Variants in TPO observed in about 807,000 individuals in gnomAD.
TPO encodes thyroid microsomal antigen.
In TPO, 78 loss-of-function variants were observed where a neutral mutation model predicts 96.9. The observed-to-expected ratio is 0.81, with a 90% CI of 0.67 to 0.97. The LOEUF is 0.97. Ranked by LOEUF, TPO falls within the 50% of genes least tolerant of loss-of-function variation. The pLI, the probability that TPO is intolerant of heterozygous loss-of-function variation, is 0.00. For synonymous variants in TPO, 547 were observed against 538.0 expected (o/e 1.02, Z -0.23); for missense variants, 1,252 against 1,274.8 (o/e 0.98, Z 0.27).
intron 5 of TPO, among the ~76,000 whole-genome samples, chr2:1,447,383 C>G (rs185538932): frequency 2.6e-5 from 4 of 152,312 alleles, no homozygotes; most frequent in African/African-American, 9.6e-5. Context: ...GGCCTAGAAG[C>G]CCCCGCTTCC....
intron 7 of TPO, among the ~76,000 whole-genome samples, chr2:1,458,514 T>C (rs139122407): frequency 6.6e-6 from 1 of 152,104 alleles, no homozygotes; most frequent in Non-Finnish European, 1.5e-5. Context: ...TGTGGGCACA[T>C]GTGTATATGG....
At chr2:1,507,888 C>A (rs1238731285) in intron 14 of TPO, among the ~76,000 whole-genome samples, 1 of 152,150 alleles carries the variant, frequency 6.6e-6, no homozygotes, top group African/African-American at 2.4e-5. Context: ...CTTTCTCCTG[C>A]CTGATTGCCC....
chr2:1,488,942 A>ACACTG (rs1437769267), intron 10 of TPO, among the ~76,000 whole-genome samples: 4 of 152,268 alleles, frequency 2.6e-5, no homozygotes, highest in South Asian at 2.1e-4. Context: ...AGGATAACGC[A>ACACTG]CACTGTCCCC....
chr2:1,467,928 A>G (rs562839091), intron 7 of TPO, among the ~76,000 whole-genome samples: 2 of 144,404 alleles, frequency 1.4e-5, no homozygotes, highest in Non-Finnish European at 3.1e-5. Context: ...AAGGCCTTTT[A>G]TCATTATATA....
intron 5 of TPO, 110 bp downstream of exon 5, chr2:1,436,494 G>T: frequency 1.3e-6 from 2 of 1,540,042 alleles, no homozygotes; most frequent in Non-Finnish European, 1.8e-6. Context: ...ATCCACCCCT[G>T]AGCCCCTGGT....
intron 7 of TPO, among the ~76,000 whole-genome samples, chr2:1,462,921 T>G (rs1326195237): frequency 6.6e-6 from 1 of 152,216 alleles, no homozygotes; most frequent in Non-Finnish European, 1.5e-5. Context: ...TACAGTGATA[T>G]TATGGAAATG....
At chr2:1,387,192 G>A (rs1264609306) in intron 1 of TPO, among the ~76,000 whole-genome samples, 2 of 152,032 alleles carry the variant, frequency 1.3e-5, no homozygotes, top group Non-Finnish European at 2.9e-5. Flanking sequence ...TATGTGTCTT[G>A]GAGTTGCTCT....
chr2:1,402,302 C>T (rs1464468905), intron 1 of TPO, among the ~76,000 whole-genome samples: 1 of 152,088 alleles, frequency 6.6e-6, no homozygotes, highest in Non-Finnish European at 1.5e-5. Context: ...GGAAGAGTAC[C>T]CCCTAAATCC....
intron 5 of TPO, chr2:1,438,852 CAACTAACCTGTTTAACTAGG>C (rs1223738870): frequency 2.8e-6 from 2 of 717,342 alleles, no homozygotes; most frequent in African/African-American, 1.8e-5. Context: ...CCGAAACTGC[CAACTAACCTGTTTAACTAGG>C]AACCTTCCAG....
intron 3 of TPO, among the ~76,000 whole-genome samples, chr2:1,424,006 C>A (rs1664062679): frequency 6.6e-6 from 1 of 152,244 alleles, no homozygotes; most frequent in South Asian, 2.1e-4. Context: ...AATTTGTGAA[C>A]CCAAGTATCT....
intron 1 of TPO, among the ~76,000 whole-genome samples, chr2:1,404,108 G>A (rs1258123218): frequency 2.0e-5 from 3 of 152,198 alleles, no homozygotes; most frequent in East Asian, 3.9e-4. Flanking sequence ...GGTAAAACCC[G>A]TGTTGTATGT....
At chr2:1,521,670 G>A (rs1675282145) in intron 15 of TPO, among the ~76,000 whole-genome samples, 1 of 152,108 alleles carries the variant, frequency 6.6e-6, no homozygotes, top group African/African-American at 2.4e-5. Context: ...CAGACGTAGA[G>A]TGGCCAGCCT....
At position 1,534,981 on chromosome 2, in the gene TPO, C is replaced by G. The variant is rs1279785410; in HGVS notation, c.2619-5613C>G. ...CTGTGAGCAACCTCCTCAAATCCCC[C>G]CAGTGTGTGCAATTTCCCTAAATCG... On this transcript the variant is annotated intron_variant, in intron 15 of 16. Transcript: ENST00000329066. Among the ~76,000 whole-genome samples the G allele has an allele frequency of 1.1e-4, 16 of 148,550 alleles. 5 individuals are homozygous for G. Among genetic ancestry groups the G allele is most frequent in the Non-Finnish European group, 1.2e-4 (8 of 67,462 alleles).
intron 1 of TPO, among the ~76,000 whole-genome samples, chr2:1,400,014 C>A (rs986676559): frequency 6.6e-6 from 1 of 152,226 alleles, no homozygotes; most frequent in African/African-American, 2.4e-5. Flanking sequence ...GGGCTCTCTT[C>A]CCCTTCCCAG....
intron 7 of TPO, among the ~76,000 whole-genome samples, chr2:1,465,751 C>T (rs1187821802): frequency 1.3e-5 from 2 of 152,084 alleles, no homozygotes; most frequent in Non-Finnish European, 2.9e-5. Flanking sequence ...AATTTTGTAT[C>T]CAGAAATTTT....
At chr2:1,455,372 T>C (rs760847835) in intron 6 of TPO, among the ~76,000 whole-genome samples, 5 of 151,998 alleles carry the variant, frequency 3.3e-5, no homozygotes, top group Admixed American at 6.6e-5. Flanking sequence ...CATTCCAAGG[T>C]TCCCCCAAAC....
Position 1,484,897 on chromosome 2 carries a change from C to T in TPO, c.1597+43C>T, listed in dbSNP as rs571334375. On this transcript the variant is annotated intron_variant, in intron 9 of 16. Coordinates refer to ENST00000329066, the MANE Select transcript of TPO (RefSeq NM_001206744.2). The stretch of plus-strand genomic sequence containing the variant: ...CTGCAGCTGGTCCCCATGAACTCTT[C>T]CTTCTTTTTTTAATTTTTTTAAATT... The T allele has an allele frequency of 2.1e-5, 34 of 1,609,364 alleles. No individual in the cohort carries two copies. The African/African-American group carries it at 4.0e-4, about 19-fold the overall frequency.
intron 2 of TPO, among the ~76,000 whole-genome samples, chr2:1,420,637 G>A (rs1474469890): frequency 1.3e-5 from 2 of 152,146 alleles, no homozygotes; most frequent in African/African-American, 2.4e-5. Context: ...AGACCTGCAC[G>A]CAATTCAGTG....
rs1342964306 is a variant in TPO, at chr2:1,456,267, A to G, written c.804A>G (p.Pro268=). 2 of 1,614,082 alleles carry G rather than the reference A, an allele frequency of 1.2e-6. No individual in the cohort carries two copies. Among genetic ancestry groups the G allele is most frequent in the Admixed American group, 3.3e-5 (2 of 60,022 alleles). Residue 268 remains proline (P), a synonymous_variant, in exon 7 of 17, where the codon CCA becomes CCG. Coordinates refer to ENST00000329066, the MANE Select transcript of TPO (RefSeq NM_001206744.2). The part of the protein sequence containing the change: ...DCQMTCENQN[P]CFPIQLPEEA... ...AGATGACTTGTGAGAACCAAAACCC[A>G]TGTTTTCCCATACAAGTAAGTTTTA...
Sources: gnomAD v4.1 joint callset for allele counts (sites outside exome capture counted in the v4.1 genomes callset) on GRCh38, gnomAD v4.1.1 for gene constraint, MANE v1.5 for transcripts, NCBI Gene and HGNC (gene_info 2026-07-23, HGNC 2026-07-21) for gene names.